Variants in MKLN1 observed in about 807,000 individuals in gnomAD.
MKLN1 encodes muskelin 1, also known as muskelin.
Under a neutral mutation model 99.0 loss-of-function variants are expected in MKLN1, and 18 were observed. That is an observed-to-expected ratio of 0.18 (90% CI 0.13 to 0.27). The LOEUF is 0.27. Among genes scored for constraint, MKLN1 ranks in the 10% least tolerant of loss-of-function variants. The probability of loss-of-function intolerance (pLI) is 1.00; values close to 1 mark genes in which losing one functional copy is unlikely to be tolerated. For missense variants in MKLN1, 621 were observed against 875.9 expected (o/e 0.71, Z 3.67); for synonymous variants, 288 against 293.2 (o/e 0.98, Z 0.18).
chr7:131,374,287 G>A (rs928146964), intron 1 of MKLN1, among the ~76,000 whole-genome samples: 1 of 152,064 alleles, frequency 6.6e-6, no homozygotes, highest in Non-Finnish European at 1.5e-5. Context: ...ACCAGGGTGC[G>A]GTGCTGGGTG....
At chr7:131,138,159 G>A (rs1473017256) in intron 1 of MKLN1, among the ~76,000 whole-genome samples, 6 of 150,606 alleles carry the variant, frequency 4.0e-5, no homozygotes, top group African/African-American at 1.5e-4. Flanking sequence ...TCCAAACCTC[G>A]GGTGATCTAC....
intron 3 of MKLN1, among the ~76,000 whole-genome samples, chr7:131,238,969 C>A (rs909425284): frequency 6.6e-6 from 1 of 152,172 alleles, no homozygotes; most frequent in Non-Finnish European, 1.5e-5. Context: ...CACCATCTAG[C>A]TGCAAGGGAG....
At chr7:131,456,620 GTTCAT>G (rs1796346990) in intron 12 of MKLN1, among the ~76,000 whole-genome samples, 1 of 152,168 alleles carries the variant, frequency 6.6e-6, no homozygotes, top group South Asian at 2.1e-4. Context: ...GTTCTCAATA[GTTCAT>G]TTCTTCTTCT....
chr7:131,285,727 G>A (rs1369179354), intron 3 of MKLN1, among the ~76,000 whole-genome samples: 1 of 152,176 alleles, frequency 6.6e-6, no homozygotes, highest in African/African-American at 2.4e-5. Context: ...AGGCAAAGCT[G>A]TTTCTCTTGG....
chr7:131,196,917 A>G (rs1796655167), intron 2 of MKLN1, among the ~76,000 whole-genome samples: 1 of 152,244 alleles, frequency 6.6e-6, no homozygotes, highest in Admixed American at 6.5e-5. Flanking sequence ...TCCCTGGTCA[A>G]GAATGGCCTC....
chr7:131,346,295 G>A (rs1799557533), intron 1 of MKLN1, among the ~76,000 whole-genome samples: 1 of 152,182 alleles, frequency 6.6e-6, no homozygotes, highest in South Asian at 2.1e-4. Flanking sequence ...GGCCAAGGCA[G>A]GTGGATCACT....
At chr7:131,347,513 A>G (rs1035900449) in intron 1 of MKLN1, among the ~76,000 whole-genome samples, 2 of 152,136 alleles carry the variant, frequency 1.3e-5, no homozygotes, top group Non-Finnish European at 2.9e-5. Flanking sequence ...CCCAAAGACA[A>G]AAAACCCTTA....
At chr7:131,161,554 A>C (rs1430173172) in intron 2 of MKLN1, among the ~76,000 whole-genome samples, 1 of 151,900 alleles carries the variant, frequency 6.6e-6, no homozygotes, top group East Asian at 1.9e-4. Flanking sequence ...TTCTTTTTTT[A>C]TTTTTTATTT....
At position 131,250,687 on chromosome 7, in the gene MKLN1, C is replaced by T. The variant is rs557159904; in HGVS notation, c.-179+47713C>T. Among the ~76,000 whole-genome samples, 9 of 152,256 alleles carry T rather than the reference C, an allele frequency of 5.9e-5. No homozygotes were observed. The South Asian group carries it at 6.2e-4, about 11-fold the overall frequency. On this transcript the variant is annotated intron_variant, in intron 3 of 7. Coordinates refer to the MKLN1 transcript ENST00000416992. ...ATTTGCAGTTAATTGGGGGTTGTAT[C>T]GTCATAATTCTAGATTAAGTCTAAC...
chr7:131,346,770 T>G (rs908188111), intron 1 of MKLN1, among the ~76,000 whole-genome samples: 1 of 152,238 alleles, frequency 6.6e-6, no homozygotes, highest in Non-Finnish European at 1.5e-5. Context: ...TAATCTATTA[T>G]TTTGGGCCTA....
At chr7:131,227,138 A>C (rs1448755658) in intron 3 of MKLN1, among the ~76,000 whole-genome samples, 5 of 152,050 alleles carry the variant, frequency 3.3e-5, no homozygotes, top group Non-Finnish European at 2.9e-5. Context: ...AGCTCCTGTA[A>C]CCCGTTTCTT....
rs1039003581 is a variant in MKLN1 at position 131,489,391 on chromosome 7, C to T, written c.*1663C>T. On this transcript the variant is annotated 3_prime_UTR_variant, in exon 18 of 18. Transcript: ENST00000352689. Reference sequence around the variant, plus strand: ...GTATGCTATATAATTCAGCAAGTACCAACTTGTGTAGCTGCAGAATAACCA... The same window carrying T: ...GTATGCTATATAATTCAGCAAGTACTAACTTGTGTAGCTGCAGAATAACCA... The T allele has an allele frequency of 6.6e-6, 1 of 152,070 alleles. No individual in the cohort carries two copies. The highest frequency in any genetic ancestry group is 2.4e-5 in the African/African-American group (1 of 41,404). 9.4% of individuals were successfully genotyped at this position (152,070 alleles called of 1,614,324 possible). A position where few individuals can be genotyped will look rare whatever the true frequency, so the allele number is the denominator to read the frequency against.
chr7:131,310,633 G>C (rs1288516959), intron 3 of MKLN1: 1 of 152,138 alleles, frequency 6.6e-6, no homozygotes, highest in Non-Finnish European at 1.5e-5. Context: ...CGTAGACAAG[G>C]GACCAGGCCA....
chr7:131,230,985 G>T (rs1318892264), intron 3 of MKLN1, among the ~76,000 whole-genome samples: 1 of 151,618 alleles, frequency 6.6e-6, no homozygotes, highest in Non-Finnish European at 1.5e-5. Flanking sequence ...GCTGGGCGTG[G>T]TGGTGACGCC....
chr7:131,325,911 T>G (rs866947799), upstream of MKLN1, among the ~76,000 whole-genome samples: 4,211 of 86,732 alleles, frequency 0.049, 35 homozygotes, highest in Admixed American at 0.13. Flanking sequence ...GGGGGGGGGG[T>G]GGTGGTGAGG....
At position 131,258,326 on chromosome 7, in the gene MKLN1, C is replaced by CTCTGTTGCTGGGGGAAGAT. The variant is rs1554543339; in HGVS notation, c.-179+55363_-179+55364insGGGAAGATTCTGTTGCTGG. Among the ~76,000 whole-genome samples, 3 of 145,974 alleles carry CTCTGTTGCTGGGGGAAGAT rather than the reference C, an allele frequency of 2.1e-5. No homozygotes were observed. The East Asian group carries it at 6.0e-4, about 29-fold the overall frequency. On this transcript the variant is annotated intron_variant, in intron 3 of 7. Coordinates refer to the MKLN1 transcript ENST00000416992. Reference sequence around the variant, plus strand: ...GAGTAGATGTTTCTCTCCTGAGATGCTCTGTTGCTGGAGGAAGATTCTGTT... The same window carrying CTCTGTTGCTGGGGGAAGAT: ...GAGTAGATGTTTCTCTCCTGAGATGCTCTGTTGCTGGGGGAAGATTCTGTTGCTGGAGGAAGATTCTGTT...
intron 1 of MKLN1, among the ~76,000 whole-genome samples, chr7:131,131,950 G>C (rs181651131): frequency 7.8e-4 from 119 of 152,310 alleles, no homozygotes; most frequent in Admixed American, 4.6e-3. Flanking sequence ...GAGACTCAGA[G>C]ATCACATGAC....
At chr7:131,448,858 A>G (rs186424961) in intron 12 of MKLN1, among the ~76,000 whole-genome samples, 31 of 152,326 alleles carry the variant, frequency 2.0e-4, no homozygotes, top group African/African-American at 6.5e-4. Context: ...ACTAGCATCT[A>G]AGTTTGTCCC....
intron 1 of MKLN1, among the ~76,000 whole-genome samples, chr7:131,372,603 A>G (rs1169961938): frequency 6.6e-6 from 1 of 152,084 alleles, no homozygotes; most frequent in Non-Finnish European, 1.5e-5. Flanking sequence ...AGAATACATA[A>G]TAATTTACAT....
Sources: allele counts gnomAD v4.1 joint callset (sites outside exome capture counted in the v4.1 genomes callset), GRCh38; gene constraint gnomAD v4.1.1; transcripts MANE v1.5; gene names NCBI Gene and HGNC (gene_info 2026-07-23, HGNC 2026-07-21).